HTRA3: variants seen among roughly 807,000 people sequenced by gnomAD.
HTRA3 encodes HtrA serine peptidase 3.
Under a neutral mutation model 43.2 loss-of-function variants are expected in HTRA3, and 41 were observed. That is an observed-to-expected ratio of 0.95 (90% CI 0.74 to 1.23). The LOEUF (loss-of-function observed/expected upper bound fraction) is 1.23, where lower values mean the gene tolerates loss of function less well. Among genes scored for constraint, HTRA3 ranks in the 50% most tolerant of loss-of-function variants. HTRA3 has a pLI of 0.00. For synonymous variants in HTRA3, 295 were observed against 287.9 expected (o/e 1.02, Z -0.25); for missense variants, 628 against 647.1 (o/e 0.97, Z 0.32).
At chr4:8,278,884 A>C (rs1391366009) in intron 1 of HTRA3, among the ~76,000 whole-genome samples, 18 of 152,160 alleles carry the variant, frequency 1.2e-4, no homozygotes, top group Non-Finnish European at 4.4e-5. Context: ...GCTGACCCAC[A>C]TTCTTTCTTC....
rs1713003684 is a variant in HTRA3, at chr4:8,286,814, A to T, written c.708+31A>T. 1.3e-6 allele frequency: 2 copies of T among 1,543,394 alleles called. No individual in the cohort carries two copies. The highest frequency in any genetic ancestry group is 1.8e-6 in the Non-Finnish European group (2 of 1,122,262). On this transcript the variant is annotated intron_variant, in intron 3 of 8. Coordinates refer to ENST00000307358, the MANE Select transcript of HTRA3 (RefSeq NM_053044.5). The surrounding 1 kb of genome is among the most constrained non-coding windows in gnomAD (Gnocchi z 4.9). ...TGGGCGTGGGTGGAGGGGCGGAAGCACCTGGGGCTGGGCATGGTGGCCTCT... is the reference window on the plus strand; with the variant it reads ...TGGGCGTGGGTGGAGGGGCGGAAGCTCCTGGGGCTGGGCATGGTGGCCTCT...
intron 3 of HTRA3, among the ~76,000 whole-genome samples, chr4:8,290,259 A>G (rs555056710): frequency 6.6e-6 from 1 of 152,380 alleles, no homozygotes; most frequent in South Asian, 2.1e-4. Context: ...CGTCGTCCCC[A>G]TTATTGACAG....
chr4:8,272,635 G>A (rs186491351), intron 1 of HTRA3, among the ~76,000 whole-genome samples: 1 of 152,238 alleles, frequency 6.6e-6, no homozygotes, highest in Non-Finnish European at 1.5e-5. Context: ...ACCCAAATCT[G>A]TCTCACCCAG....
chr4:8,302,322 G>T lies in HTRA3; in HGVS notation c.1052-141G>T. The T allele has an allele frequency of 5.3e-6, 4 of 748,984 alleles. No homozygotes were observed. The Admixed American group carries it at 5.7e-5, about 11-fold the overall frequency. The allele number at this position is 748,984 out of a possible 1,614,324, so 46.4% of individuals were successfully genotyped here. On this transcript the variant is annotated intron_variant, in intron 6 of 8. Coordinates refer to ENST00000307358, the MANE Select transcript of HTRA3 (RefSeq NM_053044.5). Reference sequence around the variant, plus strand: ...GAGGGCAGCTTTGCTGGACCGCAGGGGGACTGGGCCAGCTCAAGCAGAATG... The same window carrying T: ...GAGGGCAGCTTTGCTGGACCGCAGGTGGACTGGGCCAGCTCAAGCAGAATG...
intron 3 of HTRA3, among the ~76,000 whole-genome samples, chr4:8,288,947 C>CCTCT (rs1198599293): frequency 1.7e-5 from 2 of 118,238 alleles, no homozygotes; most frequent in East Asian, 5.2e-4. Context: ...CCTTCCTCCC[C>CCTCT]CTCTCTCTCT....
chr4:8,271,178 G>A (rs569876050), intron 1 of HTRA3, among the ~76,000 whole-genome samples: 1 of 152,042 alleles, frequency 6.6e-6, no homozygotes, highest in Non-Finnish European at 1.5e-5. Context: ...GAGCACCATG[G>A]GGAGCACCAA....
rs1478760230 is a variant in HTRA3, at chr4:8,270,348, C to T, written c.380C>T (p.Pro127Leu). 6 of 1,410,288 alleles carry T rather than the reference C, an allele frequency of 4.3e-6. No homozygotes were observed. The highest frequency in any genetic ancestry group is 2.9e-5 in the South Asian group (2 of 68,402). 87.4% of individuals were successfully genotyped at this position (1,410,288 alleles called of 1,614,324 possible). A position where few individuals can be genotyped will look rare whatever the true frequency, so the allele number is the denominator to read the frequency against. ...CGCCAGCTGCAGAAGGGCGCCTGCC[C>T]GTTGGGTAAGCGCTCGGGGGCCAGG... ...PVRQLQKGAC[P>L]LGLHQLSSPR... is the part of the protein sequence containing the mutation. The change falls in exon 1 of 9, where the codon CCG becomes CTG. Residue 127 changes from proline (P) to leucine (L), a missense_variant. Coordinates refer to ENST00000307358, the MANE Select transcript of HTRA3 (RefSeq NM_053044.5).
rs543722077 is a variant in HTRA3, at chr4:8,280,961, AC to A, written c.386-1473del. Among the ~76,000 whole-genome samples, 726 of 152,280 alleles carry A rather than the reference AC, an allele frequency of 4.8e-3. 17 individuals carry two copies. The highest frequency in any genetic ancestry group is 0.033 in the Admixed American group (509 of 15,306). On this transcript the variant is annotated intron_variant, in intron 1 of 8. Coordinates refer to ENST00000307358, the MANE Select transcript of HTRA3 (RefSeq NM_053044.5). ...GGAGCTGCAGGGCAGAGGTGGGGGC[AC>A]CCAGGGAAAGGAGGCCTGCGGCCTG...
At chr4:8,304,841 T>C (rs1713781586) in intron 8 of HTRA3, among the ~76,000 whole-genome samples, 1 of 151,920 alleles carries the variant, frequency 6.6e-6, no homozygotes, top group Non-Finnish European at 1.5e-5. Context: ...GTATTTTTAG[T>C]AGAGAAGGGG....
intron 1 of HTRA3, among the ~76,000 whole-genome samples, chr4:8,272,638 T>C (rs1219488116): frequency 1.3e-5 from 2 of 152,196 alleles, no homozygotes; most frequent in East Asian, 1.9e-4. Context: ...CAAATCTGTC[T>C]CACCCAGCAA....
At chr4:8,293,927 G>A (rs922749825) in intron 5 of HTRA3, among the ~76,000 whole-genome samples, 160 bp from the exon 6 acceptor site, 1 of 152,080 alleles carries the variant, frequency 6.6e-6, no homozygotes, top group Non-Finnish European at 1.5e-5. Flanking sequence ...CACTGACACA[G>A]GTGTGATCCT....
rs1238790193 is a variant in HTRA3 at position 8,294,124 on chromosome 4, C to T, written c.974C>T (p.Thr325Met). The change falls in exon 6 of 9, where the codon ACG (threonine) becomes ATG (methionine). Residue 325 changes from threonine (T) to methionine (M), a missense_variant. By Grantham distance (81) the Thr-to-Met change is moderately conservative. Coordinates refer to ENST00000307358, the MANE Select transcript of HTRA3 (RefSeq NM_053044.5). Reference protein sequence around the residue: ...EVIGINTLKVTAGISFAIPSD... With the variant: ...EVIGINTLKVMAGISFAIPSD... Reference sequence around the variant, plus strand: ...ATTGGCATCAACACGCTCAAGGTCACGGCTGGCATCTCCTTTGCCATCCCC... The same window carrying T: ...ATTGGCATCAACACGCTCAAGGTCATGGCTGGCATCTCCTTTGCCATCCCC... 1.9e-5 allele frequency: 30 copies of T among 1,612,252 alleles called. No homozygotes were observed. Among genetic ancestry groups the T allele is most frequent in the South Asian group, 4.4e-5 (4 of 90,840 alleles).
chr4:8,285,976 C>G (rs919227008), intron 2 of HTRA3, among the ~76,000 whole-genome samples: 1 of 152,210 alleles, frequency 6.6e-6, no homozygotes, highest in African/African-American at 2.4e-5. Flanking sequence ...AGGAATCTGC[C>G]CCAGCCTCTG....
At chr4:8,300,671 C>T (rs1218434105) in intron 6 of HTRA3, among the ~76,000 whole-genome samples, 1 of 152,134 alleles carries the variant, frequency 6.6e-6, no homozygotes, top group Non-Finnish European at 1.5e-5. Flanking sequence ...AAAGAATCAG[C>T]TTTATTTTTT....
chr4:8,292,573 T>C (rs919351274), intron 5 of HTRA3, among the ~76,000 whole-genome samples: 1 of 152,188 alleles, frequency 6.6e-6, no homozygotes, highest in Non-Finnish European at 1.5e-5. Context: ...GACTCACCCA[T>C]GAGCAGCAGC....
intron 1 of HTRA3, among the ~76,000 whole-genome samples, chr4:8,271,778 C>T (rs185959928): frequency 2.4e-4 from 36 of 152,310 alleles, no homozygotes; most frequent in African/African-American, 8.4e-4. Context: ...CTTCTGCCCA[C>T]GCTCGAAAGG....
At chr4:8,275,361 A>C (rs749655447) in intron 1 of HTRA3, among the ~76,000 whole-genome samples, 1 of 152,150 alleles carries the variant, frequency 6.6e-6, no homozygotes, top group Admixed American at 6.5e-5. Flanking sequence ...CATGGCTCCC[A>C]CGGCCTCAGG....
At chr4:8,277,280 A>C (rs1262426822) in intron 1 of HTRA3, among the ~76,000 whole-genome samples, 2 of 152,092 alleles carry the variant, frequency 1.3e-5, no homozygotes, top group East Asian at 3.9e-4. Context: ...AACTAGTTAG[A>C]CCCAGGAGGC....
intron 3 of HTRA3, among the ~76,000 whole-genome samples, chr4:8,289,037 A>G (rs9997606): frequency 0.045 from 6,622 of 147,978 alleles, 537 homozygotes; most frequent in African/African-American, 0.16. Context: ...GCAGCGTCAA[A>G]CTCCTGGGCT....
Sources: gnomAD v4.1 joint callset for allele counts (sites outside exome capture counted in the v4.1 genomes callset) on GRCh38, gnomAD v4.1.1 for gene constraint, Gnocchi (gnomAD v3.1) non-coding constraint, MANE v1.5 for transcripts, NCBI Gene and HGNC (gene_info 2026-07-23, HGNC 2026-07-21) for gene names.